The following CDH2 variants were observed in gnomAD, a reference collection of about 807,000 sequenced individuals.
CDH2 encodes the protein cadherin-2.
CDH2 carries 17 observed loss-of-function variants against 92.0 expected under a neutral mutation model. That is an observed-to-expected ratio of 0.18 (90% confidence interval 0.13 to 0.28). The LOEUF is 0.28. CDH2 is among the 10% of genes least tolerant of loss of function. The pLI, the probability that CDH2 is intolerant of heterozygous loss-of-function variation, is 1.00. For synonymous variants in CDH2, 419 were observed against 415.9 expected, an observed-to-expected ratio of 1.01 and a Z score of -0.09; for missense variants, 862 against 1,133.1, an observed-to-expected ratio of 0.76 and a Z score of 3.44.
At chr18:27,999,667 C>T (rs1279473549) in intron 7 of CDH2, among the ~76,000 whole-genome samples, 1 of 140,652 alleles carries the variant, frequency 7.1e-6, no homozygotes, top group African/African-American at 2.5e-5. Context: ...TATATATATA[C>T]ATATATACAT....
chr18:28,145,033 T>C (rs778980674), intron 2 of CDH2, among the ~76,000 whole-genome samples: 6 of 152,146 alleles, frequency 3.9e-5, no homozygotes, highest in Non-Finnish European at 5.9e-5. Flanking sequence ...GTCTCTACCT[T>C]ACATTCAATG....
At chr18:28,009,960 T>C (rs981954710) in intron 4 of CDH2, 88 bp from the exon 5 acceptor site, 1 of 1,027,320 alleles carries the variant, frequency 9.7e-7, no homozygotes, top group African/African-American at 1.6e-5. Context: ...ATGCCCTTTT[T>C]CAGCTACAAA....
intron 1 of CDH2, among the ~76,000 whole-genome samples, chr18:28,158,649 C>A (rs8084488): frequency 1.3e-5 from 2 of 152,102 alleles, no homozygotes; most frequent in Non-Finnish European, 2.9e-5. Flanking sequence ...GGAGTTCCCA[C>A]GACCCTCTCA....
Position 28,164,245 on chromosome 18 carries a change from A to G in CDH2, c.60+12718T>C, listed in dbSNP as rs148677654. ...CCTGACATCAGGCTACTTGCATTTAAACCCCAGCTCCAACATTTAACAAAA... is the reference window on the plus strand; with the variant it reads ...CCTGACATCAGGCTACTTGCATTTAGACCCCAGCTCCAACATTTAACAAAA... On this transcript the variant is annotated intron_variant, in intron 1 of 15. Transcript: ENST00000269141. 5.3e-5 allele frequency among the ~76,000 whole-genome samples: 8 copies of G among 152,330 alleles called. No homozygotes were observed. The East Asian group carries it at 1.2e-3, about 22-fold the overall frequency.
At position 27,979,006 on chromosome 18, in the gene CDH2, A is replaced by G. The variant is rs72882622; in HGVS notation, c.2349+3938T>C. ...CACTAACCATAATGGAAAAAAAATGATAAACTGGACAACATAAAAAATAAT... is the reference window on the plus strand; with the variant it reads ...CACTAACCATAATGGAAAAAAAATGGTAAACTGGACAACATAAAAAATAAT... On this transcript the variant is annotated intron_variant, in intron 14 of 15. Transcript: ENST00000269141. 6.2e-3 allele frequency among the ~76,000 whole-genome samples: 951 copies of G among 152,238 alleles called. 5 individuals are homozygous for G. The highest frequency in any genetic ancestry group is 9.9e-3 in the Non-Finnish European group (670 of 68,006).
chr18:28,098,539 G>A (rs17536146), intron 2 of CDH2, among the ~76,000 whole-genome samples: 167 of 151,706 alleles, frequency 1.1e-3, no homozygotes, highest in African/African-American at 3.8e-3. Context: ...CCACATGGCC[G>A]ATAGCACTAT....
At chr18:28,167,729 G>A (rs1173349804) in intron 1 of CDH2, among the ~76,000 whole-genome samples, 1 of 152,018 alleles carries the variant, frequency 6.6e-6, no homozygotes, top group Non-Finnish European at 1.5e-5. Flanking sequence ...ATATTTTCCT[G>A]TATGCATTTG....
At chr18:28,025,228 AAAT>A in intron 2 of CDH2, among the ~76,000 whole-genome samples, 1 of 152,188 alleles carries the variant, frequency 6.6e-6, no homozygotes, top group Admixed American at 6.6e-5. Flanking sequence ...AAATAACAGA[AAAT>A]AATAGGCTGG....
chr18:28,142,894 C>A (rs2144318648), intron 2 of CDH2, among the ~76,000 whole-genome samples: 1 of 152,144 alleles, frequency 6.6e-6, no homozygotes, highest in South Asian at 2.1e-4. Flanking sequence ...AGTAATACAT[C>A]ATACAAAAGT....
chr18:28,008,745 A>T (rs147280498), intron 5 of CDH2, among the ~76,000 whole-genome samples: 5 of 145,082 alleles, frequency 3.4e-5, no homozygotes, highest in African/African-American at 7.5e-5. Context: ...AGTATAATAT[A>T]AAAAAAAAAA....
chr18:28,088,215 A>G (rs2014971576), intron 2 of CDH2, among the ~76,000 whole-genome samples: 3 of 152,190 alleles, frequency 2.0e-5, no homozygotes, highest in Admixed American at 1.3e-4. Flanking sequence ...TTAAAGTATA[A>G]TTTCTTTTTC....
At chr18:28,103,252 T>G (rs1394311095) in intron 2 of CDH2, among the ~76,000 whole-genome samples, 1 of 145,442 alleles carries the variant, frequency 6.9e-6, no homozygotes, top group Non-Finnish European at 1.5e-5. Context: ...ATAAAGTATA[T>G]ATATAAAAAC....
At position 28,151,420 on chromosome 18, in the gene CDH2, T is replaced by C. The variant is rs11876130; in HGVS notation, c.61-3636A>G. Among the ~76,000 whole-genome samples, 520 of 152,336 alleles carry C rather than the reference T, an allele frequency of 3.4e-3. 1 individual carries two copies. Among genetic ancestry groups the C allele is most frequent in the African/African-American group, 0.012 (491 of 41,568 alleles). On this transcript the variant is annotated intron_variant, in intron 1 of 15. Transcript: ENST00000269141. ...AGAGCAGGGAATTTGCTAACCATTA[T>C]ACAACACACAGCACAGCATCCCTAA... is the stretch of plus-strand genomic sequence containing the variant.
chr18:28,165,913 G>A (rs2016371526), intron 1 of CDH2, among the ~76,000 whole-genome samples: 1 of 151,552 alleles, frequency 6.6e-6, no homozygotes, highest in African/African-American at 2.4e-5. Context: ...ATGTATTATT[G>A]TGTGTATATA....
At chr18:28,024,566 G>T (rs998625492) in intron 2 of CDH2, among the ~76,000 whole-genome samples, 9 of 150,900 alleles carry the variant, frequency 6.0e-5, no homozygotes, top group African/African-American at 2.2e-4. Flanking sequence ...ATCTAAATTA[G>T]AATTTAATTT....
chr18:28,106,442 A>G (rs1733286047), intron 2 of CDH2, among the ~76,000 whole-genome samples: 1 of 149,782 alleles, frequency 6.7e-6, no homozygotes, highest in Non-Finnish European at 1.5e-5. Context: ...AAAAAGTGTT[A>G]TATCTATGTT....
chr18:28,011,438 T>C (rs1303576856), intron 4 of CDH2, among the ~76,000 whole-genome samples: 1 of 152,208 alleles, frequency 6.6e-6, no homozygotes, highest in Non-Finnish European at 1.5e-5. Context: ...TAACAATGAT[T>C]GCCCTTTATT....
At chr18:27,956,011 A>G (rs1271832805) in intron 15 of CDH2, among the ~76,000 whole-genome samples, 1 of 152,090 alleles carries the variant, frequency 6.6e-6, no homozygotes, top group Non-Finnish European at 1.5e-5. Flanking sequence ...GAGGTATTAT[A>G]TAAACTCTTG....
In CDH2 at chr18:28,013,677, C is replaced by G. The variant is rs200097118; in HGVS notation, c.399+6G>C. 1 of 1,603,798 alleles carries G rather than the reference C, an allele frequency of 6.2e-7. No individual in the cohort carries two copies. The highest frequency in any genetic ancestry group is 2.2e-5 in the East Asian group (1 of 44,820). ...CCAGCCCTAAAGCCATATTCGGATACTATACCTTCACTGACTCCTCAGTTA... is the reference window on the plus strand; with the variant it reads ...CCAGCCCTAAAGCCATATTCGGATAGTATACCTTCACTGACTCCTCAGTTA... On this transcript the variant is annotated splice_donor_region_variant and intron_variant, in intron 3 of 15. Transcript: ENST00000269141.
Sources: gnomAD v4.1 joint callset for allele counts (sites outside exome capture counted in the v4.1 genomes callset) on GRCh38, gnomAD v4.1.1 for gene constraint, MANE v1.5 for transcripts, NCBI Gene and HGNC (gene_info 2026-07-23, HGNC 2026-07-21) for gene names.